ZNF804B: variants seen among roughly 807,000 people sequenced by gnomAD.
ZNF804B encodes the protein zinc finger 804B.
A neutral mutation model predicts 101.4 loss-of-function variants in ZNF804B; 80 were observed. The ratio of observed to expected loss-of-function variants is 0.79; its 90% CI spans 0.66 to 0.95. The LOEUF is 0.95. Among genes scored for constraint, ZNF804B ranks in the 40% least tolerant of loss-of-function variants. The pLI is 0.00. For synonymous variants in ZNF804B, 622 were observed against 558.8 expected, an observed-to-expected ratio of 1.11 and a Z score of -1.59; for missense variants, 1,673 against 1,561.9, an observed-to-expected ratio of 1.07 and a Z score of -1.20.
chr7:89,281,176 A>G (rs1366644087), intron 2 of ZNF804B, among the ~76,000 whole-genome samples: 1 of 152,210 alleles, frequency 6.6e-6, no homozygotes, highest in Non-Finnish European at 1.5e-5. Context: ...TATGATTGCT[A>G]TAGATGATAA....
chr7:88,920,056 A>C (rs188966015), intron 1 of ZNF804B, among the ~76,000 whole-genome samples: 1 of 152,214 alleles, frequency 6.6e-6, no homozygotes, highest in Admixed American at 6.6e-5. Context: ...AAAGTATAAC[A>C]TTACTTCTCA....
At chr7:89,053,876 A>G (rs933613738) in intron 1 of ZNF804B, among the ~76,000 whole-genome samples, 4 of 152,080 alleles carry the variant, frequency 2.6e-5, no homozygotes, top group Non-Finnish European at 4.4e-5. Context: ...ACCTAATTGG[A>G]TGTTGAATGT....
intron 1 of ZNF804B, among the ~76,000 whole-genome samples, chr7:88,930,021 T>C (rs1035630701): frequency 2.6e-5 from 4 of 151,990 alleles, no homozygotes; most frequent in Admixed American, 6.6e-5. Context: ...CTATTCAGTG[T>C]AATTGTGGAG....
chr7:88,854,422 T>TCTTTCTTCCTTC (rs1554340161), intron 1 of ZNF804B, among the ~76,000 whole-genome samples: 55 of 100,806 alleles, frequency 5.5e-4, no homozygotes, highest in South Asian at 1.8e-3. Context: ...TTCCTTTCTT[T>TCTTTCTTCCTTC]CTTTCTTTCT....
chr7:88,877,738 G>GTATTAAATACATGTT (rs1791974401), intron 1 of ZNF804B, among the ~76,000 whole-genome samples: 1 of 152,010 alleles, frequency 6.6e-6, no homozygotes, highest in African/African-American at 2.4e-5. Flanking sequence ...GCATATGAAA[G>GTATTAAATACATGTT]TATTAAATAC....
chr7:88,968,381 C>A (rs1227416508), intron 1 of ZNF804B, among the ~76,000 whole-genome samples: 1 of 151,534 alleles, frequency 6.6e-6, no homozygotes, highest in African/African-American at 2.4e-5. Context: ...CATTTTTGCT[C>A]TTGTCACTAA....
At chr7:89,318,181 C>T (rs1389760224) in intron 2 of ZNF804B, among the ~76,000 whole-genome samples, 6 of 152,108 alleles carry the variant, frequency 3.9e-5, no homozygotes, top group East Asian at 1.9e-4. Flanking sequence ...CTCCATCATT[C>T]GGTGAACCTA....
At chr7:88,775,363 G>A (rs1033706928) in intron 1 of ZNF804B, among the ~76,000 whole-genome samples, 4 of 152,148 alleles carry the variant, frequency 2.6e-5, no homozygotes, top group African/African-American at 9.7e-5. Context: ...AAGGCTGATA[G>A]GTGAGGAACA....
At chr7:88,855,932 T>C (rs1791550191) in intron 1 of ZNF804B, among the ~76,000 whole-genome samples, 1 of 152,214 alleles carries the variant, frequency 6.6e-6, no homozygotes, top group Non-Finnish European at 1.5e-5. Context: ...TGGCATTATT[T>C]CTGAGGGCTC....
At chr7:88,972,217 G>C (rs1285259049) in intron 1 of ZNF804B, among the ~76,000 whole-genome samples, 2 of 151,484 alleles carry the variant, frequency 1.3e-5, no homozygotes, top group Non-Finnish European at 3.0e-5. Context: ...TACACCACAA[G>C]TGTGCTCCAA....
At chr7:88,864,021 C>G (rs1268223843) in intron 1 of ZNF804B, among the ~76,000 whole-genome samples, 6 of 152,212 alleles carry the variant, frequency 3.9e-5, no homozygotes, top group South Asian at 2.1e-4. Context: ...GATGTCTTCT[C>G]TCCTGCTCTC....
chr7:88,860,380 A>G (rs1005578060), intron 1 of ZNF804B, among the ~76,000 whole-genome samples: 4 of 152,082 alleles, frequency 2.6e-5, no homozygotes, highest in Non-Finnish European at 5.9e-5. Context: ...GTTACAGGTG[A>G]CATATTTATT....
At chr7:89,118,766 A>C (rs1229805586) in intron 1 of ZNF804B, among the ~76,000 whole-genome samples, 1 of 152,176 alleles carries the variant, frequency 6.6e-6, no homozygotes, top group Non-Finnish European at 1.5e-5. Context: ...GGAAAGTATT[A>C]AAACTTCGAG....
chr7:88,902,622 A>G (rs938694563), intron 1 of ZNF804B, among the ~76,000 whole-genome samples: 2 of 152,032 alleles, frequency 1.3e-5, no homozygotes, highest in African/African-American at 4.8e-5. Context: ...AATTTTTTTC[A>G]GGAGCTTAGA....
At chr7:88,802,366 G>A (rs541526887) in intron 1 of ZNF804B, among the ~76,000 whole-genome samples, 2 of 152,206 alleles carry the variant, frequency 1.3e-5, no homozygotes, top group African/African-American at 4.8e-5. Context: ...AGTGGTCTAA[G>A]CAGCAGCAAG....
intron 2 of ZNF804B, among the ~76,000 whole-genome samples, chr7:89,317,130 T>C (rs1382694522): frequency 6.6e-6 from 1 of 152,200 alleles, no homozygotes; most frequent in Non-Finnish European, 1.5e-5. Flanking sequence ...AGAAGTCTTC[T>C]TATGATTTAG....
chr7:89,005,460 C>T (rs1193856602), intron 1 of ZNF804B, among the ~76,000 whole-genome samples: 1 of 151,968 alleles, frequency 6.6e-6, no homozygotes, highest in Non-Finnish European at 1.5e-5. Context: ...GATGGAAATA[C>T]AAATAAGTTA....
chr7:89,278,253 C>G (rs922187972), intron 2 of ZNF804B, among the ~76,000 whole-genome samples: 40 of 151,996 alleles, frequency 2.6e-4, no homozygotes, highest in African/African-American at 8.9e-4. Context: ...GATATTAACC[C>G]TTTGTCAGAT....
chr7:89,271,507 G>A lies in ZNF804B; in HGVS notation c.249+53212G>A, dbSNP rs542007787. Among the ~76,000 whole-genome samples, 56 of 152,186 alleles carry A rather than the reference G, an allele frequency of 3.7e-4. No individual in the cohort carries two copies. In the South Asian group the frequency reaches 0.01, roughly 28 times the overall value. ...AGGATTTTTGCATCGATGTTCATCAGGGATATTGGTCTAAAATTCTTTTTT... is the reference window on the plus strand; with the variant it reads ...AGGATTTTTGCATCGATGTTCATCAAGGATATTGGTCTAAAATTCTTTTTT... On this transcript the variant is annotated intron_variant, in intron 2 of 3. Coordinates refer to ENST00000333190, the MANE Select transcript of ZNF804B (RefSeq NM_181646.5).
Sources: gnomAD v4.1 joint callset for allele counts (sites outside exome capture counted in the v4.1 genomes callset) on GRCh38, gnomAD v4.1.1 for gene constraint, MANE v1.5 for transcripts, NCBI Gene and HGNC (gene_info 2026-07-23, HGNC 2026-07-21) for gene names.